RGS12: variants seen among roughly 807,000 people sequenced by gnomAD.
The protein encoded by RGS12 is regulator of G protein signaling 12, also known as regulator of G-protein signaling 12.
In RGS12, 66 loss-of-function variants were observed where a neutral mutation model predicts 120.1. That is an observed-to-expected ratio of 0.55 (90% CI 0.45 to 0.67). The LOEUF (loss-of-function observed/expected upper bound fraction) is 0.67. Among genes scored for constraint, RGS12 ranks in the 30% least tolerant of loss-of-function variants. The pLI is 0.00. For synonymous variants in RGS12, 827 were observed against 804.7 expected, an observed-to-expected ratio of 1.03 and a Z score of -0.47; for missense variants, 1,859 against 1,957.7, an observed-to-expected ratio of 0.95 and a Z score of 0.95.
chr4:3,300,655 C>A (rs1035270682), intron 1 of RGS12, among the ~76,000 whole-genome samples: 3 of 152,188 alleles, frequency 2.0e-5, no homozygotes, highest in Non-Finnish European at 4.4e-5. Context: ...ACCCTTCCTG[C>A]CTCTCCCAGC....
At position 3,438,092 on chromosome 4, in the gene RGS12, G is replaced by C. The variant is rs552213133; in HGVS notation, c.4115-1363G>C. 4.6e-5 allele frequency among the ~76,000 whole-genome samples: 7 copies of C among 152,268 alleles called. No individual in the cohort carries two copies. The South Asian group carries it at 1.2e-3, about 27-fold the overall frequency. On this transcript the variant is annotated intron_variant, in intron 17 of 17. Transcript: ENST00000336727. ...TTCGATTCACCTGTGGAGGGCAGCA[G>C]TTGGTAGCAGGGACCCCCTGTCCCT...
intron 2 of RGS12, among the ~76,000 whole-genome samples, chr4:3,340,116 T>C (rs1271017821): frequency 1.1e-4 from 17 of 152,220 alleles, no homozygotes; most frequent in Admixed American, 1.1e-3. Flanking sequence ...GCGCTCCCCA[T>C]TGTTGGGCAG....
rs1716266351 is a variant in RGS12, at chr4:3,366,030, G to T, written c.1999-20386G>T. ...GGCTGCATGGGGCACCGTTGCGTGG[G>T]GCGTGCTCGAGGTGGAGACGGCTGT... On this transcript the variant is annotated intron_variant, in intron 3 of 17. Coordinates refer to ENST00000336727, the MANE Select transcript of RGS12 (RefSeq NM_001394154.1). The surrounding 1 kb of genome is among the most constrained non-coding windows in gnomAD (Gnocchi z 4.0). 6.6e-6 allele frequency among the ~76,000 whole-genome samples: 1 copy of T among 152,176 alleles called. No individual in the cohort carries two copies. The highest frequency in any genetic ancestry group is 1.5e-5 in the Non-Finnish European group (1 of 68,038).
In RGS12 at chr4:3,317,763, T is replaced by C. The variant is rs75924247; in HGVS notation, c.1593T>C (p.Cys531=). The change falls in exon 2 of 18, where the codon TGT becomes TGC. Residue 531 remains cysteine (C), a synonymous_variant. Coordinates refer to ENST00000336727, the MANE Select transcript of RGS12 (RefSeq NM_001394154.1). ...PSKRGTVGAG[C]GFNQRWLPVH... Reference sequence around the variant, plus strand: ...AGAGGGGCACCGTGGGTGCTGGCTGTGGTTTCAACCAGCGCTGGCTCCCGG... The same window carrying C: ...AGAGGGGCACCGTGGGTGCTGGCTGCGGTTTCAACCAGCGCTGGCTCCCGG... 2 of 1,613,518 alleles carry C rather than the reference T, an allele frequency of 1.2e-6. No individual in the cohort carries two copies. The highest frequency in any genetic ancestry group is 1.7e-6 in the Non-Finnish European group (2 of 1,179,986).
Position 3,439,848 on chromosome 4 carries a change from A to C in RGS12, c.*164A>C, listed in dbSNP as rs1483870220. 1.6e-5 allele frequency: 10 copies of C among 629,708 alleles called. No homozygotes were observed. Among genetic ancestry groups the C allele is most frequent in the Non-Finnish European group, 2.6e-5 (10 of 385,610 alleles). The allele number at this position is 629,708 out of a possible 1,614,324, so 39.0% of individuals were successfully genotyped here. A position where few individuals can be genotyped will look rare whatever the true frequency, so the allele number is the denominator to read the frequency against. ...GAGGCACTGGCCCCGGACATTCGCC[A>C]TGCTGGCCATGGGGCTCCCTGGCCC... On this transcript the variant is annotated 3_prime_UTR_variant, in exon 18 of 18. Transcript: ENST00000336727.
At chr4:3,362,785 G>T (rs114617531) in intron 3 of RGS12, among the ~76,000 whole-genome samples, 2,441 of 149,856 alleles carry the variant, frequency 0.016, 61 homozygotes, top group African/African-American at 0.053. Flanking sequence ...TAGGGTGTGT[G>T]TGAGGGTGTG....
At chr4:3,358,118 GT>G (rs1373426225) in intron 3 of RGS12, among the ~76,000 whole-genome samples, 1 of 152,088 alleles carries the variant, frequency 6.6e-6, no homozygotes, top group Non-Finnish European at 1.5e-5. Context: ...TAATGTAATT[GT>G]TTTTATAATT....
In RGS12 at chr4:3,417,504, G is replaced by T; in HGVS notation, c.2724G>T (p.Arg908Ser). The change falls in exon 9 of 18, where the codon AGG becomes AGT. Residue 908 changes from arginine (R) to serine (S), a missense_variant. Arg to Ser is a moderately radical substitution (Grantham distance 110). This residue lies in a region of RGS12 where 375 missense variants were observed against 475.0 expected (regional missense o/e 0.79). Transcript: ENST00000336727. Reference protein sequence around the residue: ...FSWSRTRSTGRSQKKREHGDH... With the variant: ...FSWSRTRSTGSSQKKREHGDH... Reference sequence around the variant, plus strand: ...GGTCGCGGACCAGGAGCACCGGGAGGTCCCAGAAAAAGAGGGAGCACGGGG... The same window carrying T: ...GGTCGCGGACCAGGAGCACCGGGAGTTCCCAGAAAAAGAGGGAGCACGGGG... The T allele has an allele frequency of 6.2e-7, 1 of 1,613,368 alleles. No individual in the cohort carries two copies. The highest frequency in any genetic ancestry group is 8.5e-7 in the Non-Finnish European group (1 of 1,179,958).
chr4:3,331,129 A>G (rs1711789882), intron 2 of RGS12, among the ~76,000 whole-genome samples: 1 of 152,254 alleles, frequency 6.6e-6, no homozygotes, highest in South Asian at 2.1e-4. Flanking sequence ...TCCCAAGGGC[A>G]TATCGAGTGG....
In RGS12 at chr4:3,366,011, A is replaced by G. The variant is rs933082714; in HGVS notation, c.1999-20405A>G. Among the ~76,000 whole-genome samples, 2 of 152,084 alleles carry G rather than the reference A, an allele frequency of 1.3e-5. No individual in the cohort carries two copies. Among genetic ancestry groups the G allele is most frequent in the Admixed American group, 1.3e-4 (2 of 15,278 alleles). ...GTGGAGCTGGTCCTGGATGGGCTGC[A>G]TGGGGCACCGTTGCGTGGGGCGTGC... On this transcript the variant is annotated intron_variant, in intron 3 of 17. Transcript: ENST00000336727. The surrounding 1 kb of genome is among the most constrained non-coding windows in gnomAD (Gnocchi z 4.0).
At chr4:3,314,094 A>C (rs1724580083) in intron 1 of RGS12, 1 of 151,630 alleles carries the variant, frequency 6.6e-6, no homozygotes, top group Non-Finnish European at 1.5e-5. Context: ...TTAAATGCCC[A>C]GTCCTAATAT....
rs760031811 is a variant in RGS12 at position 3,316,705 on chromosome 4, T to C, written c.535T>C (p.Phe179Leu). The change falls in exon 2 of 18, where the codon TTT becomes CTT. Residue 179 changes from phenylalanine (F) to leucine (L), a missense_variant. Coordinates refer to ENST00000336727, the MANE Select transcript of RGS12 (RefSeq NM_001394154.1). ...RSLSESAATR[F>L]DVGHESINNP... ...CCTTTCAGAGTCGGCCGCAACTCGA[T>C]TTGATGTTGGACATGAAAGTATAAA... is the stretch of plus-strand genomic sequence containing the variant. The C allele has an allele frequency of 1.9e-6, 3 of 1,614,074 alleles. No individual in the cohort carries two copies. In the South Asian group the frequency reaches 3.3e-5, roughly 18 times the overall value.
chr4:3,427,103 C>G (rs1021492879), intron 14 of RGS12, among the ~76,000 whole-genome samples: 1 of 152,206 alleles, frequency 6.6e-6, no homozygotes, highest in Non-Finnish European at 1.5e-5. Flanking sequence ...AGAGCAGAGA[C>G]CCTTCCCCGA....
intron 17 of RGS12, 130 bp from the exon 18 acceptor site, chr4:3,439,325 T>A: frequency 1.1e-6 from 1 of 922,360 alleles, no homozygotes; most frequent in Non-Finnish European, 1.7e-6. Flanking sequence ...CAGCTGCCTC[T>A]GGGATGTGTT....
intron 9 of RGS12, among the ~76,000 whole-genome samples, chr4:3,420,201 T>C (rs1722850585): frequency 1.3e-5 from 2 of 152,190 alleles, no homozygotes; most frequent in Non-Finnish European, 2.9e-5. Flanking sequence ...GAGCGCTGGC[T>C]GTTGCCACAG....
intron 16 of RGS12, among the ~76,000 whole-genome samples, chr4:3,429,741 AGGCCCAGGG>A (rs1383839226): frequency 6.6e-6 from 1 of 152,162 alleles, no homozygotes; most frequent in East Asian, 1.9e-4. Flanking sequence ...GGGCAGTGGG[AGGCCCAGGG>A]GCACCCGTCC....
intron 3 of RGS12, among the ~76,000 whole-genome samples, chr4:3,383,230 T>C (rs1279240173): frequency 6.6e-6 from 1 of 152,140 alleles, no homozygotes; most frequent in Non-Finnish European, 1.5e-5. Context: ...GCATTGGCAT[T>C]TTCTAACTGC....
At chr4:3,391,728 G>C (rs934179422) in intron 4 of RGS12, among the ~76,000 whole-genome samples, 1 of 142,846 alleles carries the variant, frequency 7.0e-6, no homozygotes, top group South Asian at 2.1e-4. Context: ...TGGCGTGTTT[G>C]GGGGCCTCGT....
chr4:3,422,844 G>C (rs1560170471), intron 11 of RGS12, 61 bp from the exon 12 acceptor site: 2 of 1,433,890 alleles, frequency 1.4e-6, no homozygotes, highest in Non-Finnish European at 2.0e-6. Flanking sequence ...GGGGCACGTG[G>C]GTCTGCGTTT....
Sources: gnomAD v4.1 joint callset for allele counts (sites outside exome capture counted in the v4.1 genomes callset) on GRCh38, gnomAD v4.1.1 for gene constraint, gnomAD v4.1.1 regional missense constraint, Gnocchi (gnomAD v3.1) non-coding constraint, MANE v1.5 for transcripts, NCBI Gene and HGNC (gene_info 2026-07-23, HGNC 2026-07-21) for gene names.